The following SLC24A2 variants were observed in gnomAD, a reference collection of about 807,000 sequenced individuals.
SLC24A2 encodes solute carrier family 24 member 2.
In SLC24A2, 36 loss-of-function variants were observed where a neutral mutation model predicts 62.0. That is an observed-to-expected ratio of 0.58 (90% CI 0.44 to 0.77). The LOEUF (loss-of-function observed/expected upper bound fraction) is 0.77. SLC24A2 is among the 30% of genes least tolerant of loss of function. SLC24A2 has a pLI of 0.00. For missense variants in SLC24A2, 846 were observed against 817.9 expected, an observed-to-expected ratio of 1.03 and a Z score of -0.42; for synonymous variants, 358 against 294.0, an observed-to-expected ratio of 1.22 and a Z score of -2.23.
the SLC24A2 span, chr9:19,957,619 T>G: frequency 1.3e-4 from 20 of 152,994 alleles, no homozygotes; most frequent in African/African-American, 4.6e-4. Flanking sequence ...TATGGGGGTC[T>G]TTGTTCAAAA....
At chr9:19,535,873 G>T in intron 8 of SLC24A2, among the ~76,000 whole-genome samples, 1 of 151,950 alleles carries the variant, frequency 6.6e-6, no homozygotes, top group East Asian at 1.9e-4. Context: ...TTCCAATTCT[G>T]TGAAGAAAGT....
At chr9:19,997,887 A>G in the SLC24A2 span, among the ~76,000 whole-genome samples, 1 of 152,186 alleles carries the variant, frequency 6.6e-6, no homozygotes, top group African/African-American at 2.4e-5. Context: ...ATCAGATTTG[A>G]ATCAGAATTT....
At chr9:19,716,302 T>A (rs1364708212) in intron 2 of SLC24A2, among the ~76,000 whole-genome samples, 1 of 152,202 alleles carries the variant, frequency 6.6e-6, no homozygotes, top group Non-Finnish European at 1.5e-5. Flanking sequence ...TTTTTATTGA[T>A]GAATGCATTT....
At chr9:19,573,315 A>G (rs945478548) in intron 7 of SLC24A2, 36 bp downstream of exon 7, 1 of 1,384,066 alleles carries the variant, frequency 7.2e-7, no homozygotes, top group Non-Finnish European at 1.0e-6. Context: ...TCAGTTAAGA[A>G]CAACAGCCCA....
At chr9:19,828,038 C>G in the SLC24A2 span, among the ~76,000 whole-genome samples, 1 of 152,142 alleles carries the variant, frequency 6.6e-6, no homozygotes, top group Admixed American at 6.5e-5. Context: ...ACAACCCAGC[C>G]TGGTTTTATG....
the SLC24A2 span, among the ~76,000 whole-genome samples, chr9:20,145,834 A>C: frequency 6.6e-6 from 1 of 151,976 alleles, no homozygotes; most frequent in Non-Finnish European, 1.5e-5. Context: ...ATAGCCATAC[A>C]TACATGTATT....
At chr9:19,530,114 C>T (rs1288023958) in intron 8 of SLC24A2, among the ~76,000 whole-genome samples, 2 of 149,626 alleles carry the variant, frequency 1.3e-5, no homozygotes, top group Non-Finnish European at 3.0e-5. Flanking sequence ...AGGAAATCAG[C>T]CGGATTCTGG....
chr9:19,565,383 A>C (rs1225078616), intron 7 of SLC24A2, among the ~76,000 whole-genome samples: 4 of 150,138 alleles, frequency 2.7e-5, no homozygotes, highest in African/African-American at 4.9e-5. Flanking sequence ...AAAGAGAATA[A>C]AATACCTAGG....
chr9:20,116,344 C>G, the SLC24A2 span, among the ~76,000 whole-genome samples: 1 of 152,094 alleles, frequency 6.6e-6, no homozygotes, highest in Non-Finnish European at 1.5e-5. Flanking sequence ...ATCTTAGAAC[C>G]CTTAAGCACT....
chr9:19,770,405 T>C (rs1341966841), intron 2 of SLC24A2, among the ~76,000 whole-genome samples: 1 of 152,084 alleles, frequency 6.6e-6, no homozygotes, highest in East Asian at 1.9e-4. Context: ...GCATTTTTTT[T>C]CAGGATAGTC....
chr9:19,598,487 G>A (rs149333902), intron 4 of SLC24A2, among the ~76,000 whole-genome samples: 54 of 151,852 alleles, frequency 3.6e-4, no homozygotes, highest in East Asian at 1.2e-3. Flanking sequence ...GTTTTAATAC[G>A]CCAGCACAAA....
At chr9:20,185,711 C>G in the SLC24A2 span, among the ~76,000 whole-genome samples, 1 of 151,938 alleles carries the variant, frequency 6.6e-6, no homozygotes, top group Non-Finnish European at 1.5e-5. Flanking sequence ...TACTCAGCCC[C>G]CAACCTCAGA....
At chr9:19,537,361 T>C (rs1258086208) in intron 8 of SLC24A2, among the ~76,000 whole-genome samples, 2 of 75,788 alleles carry the variant, frequency 2.6e-5, no homozygotes, top group Non-Finnish European at 5.1e-5. Context: ...CTTTAATCCA[T>C]CTTGAATTGA....
At chr9:19,845,738 TTC>T in the SLC24A2 span, among the ~76,000 whole-genome samples, 3 of 152,206 alleles carry the variant, frequency 2.0e-5, no homozygotes, top group Non-Finnish European at 4.4e-5. Context: ...GCTATAAGCT[TTC>T]CTCTTAACAC....
chr9:20,097,835 C>T, the SLC24A2 span, among the ~76,000 whole-genome samples: 20 of 136,440 alleles, frequency 1.5e-4, no homozygotes, highest in East Asian at 7.1e-4. Flanking sequence ...CTCCGCCTCC[C>T]GGGTTTACGC....
intron 9 of SLC24A2, among the ~76,000 whole-genome samples, chr9:19,527,660 C>A (rs1586894583): frequency 6.6e-6 from 1 of 152,166 alleles, no homozygotes; most frequent in Non-Finnish European, 1.5e-5. Context: ...TCTCCAGATG[C>A]TTTCCTAGAG....
rs1832667260 is a variant in SLC24A2 at position 19,510,262 on chromosome 9, A to G, written c.*5891T>C. 6.6e-6 allele frequency: 1 copy of G among 152,120 alleles called. No homozygotes were observed. The highest frequency in any genetic ancestry group is 2.4e-5 in the African/African-American group (1 of 41,430). 9.4% of individuals were successfully genotyped at this position (152,120 alleles called of 1,614,324 possible). On this transcript the variant is annotated 3_prime_UTR_variant, in exon 11 of 11. Transcript: ENST00000341998. The stretch of plus-strand genomic sequence containing the variant: ...AGGTTCCATCATTTAAGAACAATAT[A>G]AAGAACTTAAAAAGGCTTAGTAGAG...
At chr9:20,067,949 A>G in the SLC24A2 span, among the ~76,000 whole-genome samples, 1 of 151,652 alleles carries the variant, frequency 6.6e-6, no homozygotes, top group African/African-American at 2.4e-5. Context: ...TCTTTGAGAA[A>G]TTTTCAAACT....
chr9:20,208,379 C>T, the SLC24A2 span, among the ~76,000 whole-genome samples: 1 of 152,168 alleles, frequency 6.6e-6, no homozygotes, highest in African/African-American at 2.4e-5. Context: ...CAGAGCTAAG[C>T]TTAAGTGCTT....
Sources: gnomAD v4.1 joint callset for allele counts (sites outside exome capture counted in the v4.1 genomes callset) on GRCh38, gnomAD v4.1.1 for gene constraint, MANE v1.5 for transcripts, NCBI Gene and HGNC (gene_info 2026-07-23, HGNC 2026-07-21) for gene names.